Variants in ARID1B observed in about 807,000 individuals in gnomAD.
ARID1B encodes AT-rich interactive domain-containing protein 1B.
ARID1B carries 30 observed loss-of-function variants against 212.3 expected under a neutral mutation model. The observed-to-expected ratio is 0.14, with a 90% CI of 0.11 to 0.19. ARID1B has a LOEUF of 0.19. Among genes scored for constraint, ARID1B ranks in the 10% least tolerant of loss-of-function variants. ARID1B has a pLI of 1.00. For missense variants in ARID1B, 2,891 were observed against 3,204.0 expected, an observed-to-expected ratio of 0.90 and a Z score of 2.36; for synonymous variants, 1,402 against 1,301.7, an observed-to-expected ratio of 1.08 and a Z score of -1.66.
chr6:157,137,989 A>G (rs1039416707), intron 7 of ARID1B, among the ~76,000 whole-genome samples: 2 of 152,184 alleles, frequency 1.3e-5, no homozygotes, highest in Admixed American at 1.3e-4. Flanking sequence ...AAGTTCAACA[A>G]AGGCAAACTT....
intron 1 of ARID1B, among the ~76,000 whole-genome samples, chr6:156,789,794 T>C (rs1003955644): frequency 6.6e-6 from 1 of 152,216 alleles, no homozygotes; most frequent in African/African-American, 2.4e-5. Flanking sequence ...TTCTCTGTGC[T>C]GTGTGGTTTC....
chr6:156,884,652 C>T (rs950366576), intron 2 of ARID1B, among the ~76,000 whole-genome samples: 4 of 152,152 alleles, frequency 2.6e-5, no homozygotes, highest in Non-Finnish European at 5.9e-5. Flanking sequence ...AAGGAGGTGG[C>T]TGCCATGTTT....
rs761384944 is a variant in ARID1B, at chr6:157,206,148, T to C, written c.5395-19T>C. The C allele has an allele frequency of 1.3e-5, 21 of 1,599,306 alleles. No homozygotes were observed. The highest frequency in any genetic ancestry group is 1.6e-5 in the Non-Finnish European group (19 of 1,168,906). On this transcript the variant is annotated intron_variant, in intron 19 of 19. Transcript: ENST00000636930. The surrounding 1 kb of genome is among the most constrained non-coding windows in gnomAD (Gnocchi z 6.8). ...CATTGTACCTGTTCTTTCTTTCTTC[T>C]CCTCCTCCTCCTCTCCAGTTGTCTG...
chr6:156,785,895 G>C (rs971767858), intron 1 of ARID1B, among the ~76,000 whole-genome samples: 3 of 152,054 alleles, frequency 2.0e-5, no homozygotes, highest in African/African-American at 7.2e-5. Flanking sequence ...TAACTTTGGG[G>C]TAATCCTCAT....
chr6:157,128,183 A>G (rs1788271628), intron 6 of ARID1B, among the ~76,000 whole-genome samples: 1 of 152,150 alleles, frequency 6.6e-6, no homozygotes, highest in Admixed American at 6.6e-5. Context: ...ATTTTTTATC[A>G]ATTTGTTTAG....
Position 157,192,945 on chromosome 6 carries a change from G to A in ARID1B, c.4231+2735G>A, listed in dbSNP as rs563876506. 2.0e-5 allele frequency among the ~76,000 whole-genome samples: 3 copies of A among 152,192 alleles called. No homozygotes were observed. The South Asian group carries it at 6.2e-4, about 32-fold the overall frequency. On this transcript the variant is annotated intron_variant, in intron 15 of 19. Transcript: ENST00000636930. ...GGAAAACATACTCTTTGTCGCTGTTGCTGCTGCTGGTGGTGTTAACCTGTA... is the reference window on the plus strand; with the variant it reads ...GGAAAACATACTCTTTGTCGCTGTTACTGCTGCTGGTGGTGTTAACCTGTA...
chr6:156,802,262 A>G (rs1449357190), intron 1 of ARID1B, among the ~76,000 whole-genome samples: 1 of 152,202 alleles, frequency 6.6e-6, no homozygotes, highest in African/African-American at 2.4e-5. Context: ...GTTTGCAAAC[A>G]TTTTATTTCA....
In ARID1B at chr6:157,078,465, C is replaced by G. The variant is rs576510250; in HGVS notation, c.2248-6197C>G. Reference sequence around the variant, plus strand: ...TTGAGAGGTCTATTTGTTGTTCTTTCTAGTCTACGTAACTCCTGAGACTGT... The same window carrying G: ...TTGAGAGGTCTATTTGTTGTTCTTTGTAGTCTACGTAACTCCTGAGACTGT... On this transcript the variant is annotated intron_variant, in intron 4 of 19. Coordinates refer to ENST00000636930, the MANE Select transcript of ARID1B (RefSeq NM_001374828.1). 1.7e-4 allele frequency among the ~76,000 whole-genome samples: 26 copies of G among 152,274 alleles called. No homozygotes were observed. The South Asian group carries it at 5.0e-3, about 29-fold the overall frequency.
Position 157,065,600 on chromosome 6 carries a change from T to A in ARID1B, c.2248-19062T>A, listed in dbSNP as rs146615506. On this transcript the variant is annotated intron_variant, in intron 4 of 19. Coordinates refer to ENST00000636930, the MANE Select transcript of ARID1B (RefSeq NM_001374828.1). ...AATCATTAGAGAATTGGAACAATTG[T>A]GGTAGTGGGATCAGGGGTCAAACCA... Among the ~76,000 whole-genome samples, 304 of 152,306 alleles carry A rather than the reference T, an allele frequency of 2.0e-3. 3 individuals are homozygous for A. The highest frequency in any genetic ancestry group is 6.7e-3 in the African/African-American group (278 of 41,560).
chr6:156,894,877 C>G (rs557067714), intron 2 of ARID1B, among the ~76,000 whole-genome samples: 1 of 152,326 alleles, frequency 6.6e-6, no homozygotes, highest in Admixed American at 6.5e-5. Flanking sequence ...CTTAACGTTT[C>G]CATTGACTGT....
intron 7 of ARID1B, among the ~76,000 whole-genome samples, chr6:157,135,871 CT>C (rs1441452259): frequency 6.6e-6 from 1 of 152,090 alleles, no homozygotes; most frequent in Non-Finnish European, 1.5e-5. Context: ...GTTCATATCT[CT>C]GGAATGATTC....
At chr6:157,039,354 C>T (rs556021808) in intron 4 of ARID1B, among the ~76,000 whole-genome samples, 19 of 72,500 alleles carry the variant, frequency 2.6e-4, no homozygotes, top group Admixed American at 1.3e-3. Flanking sequence ...GACGGAGTCT[C>T]GCTCTGTCGC....
chr6:157,171,512 A>G (rs889034692), intron 9 of ARID1B, among the ~76,000 whole-genome samples: 20 of 152,254 alleles, frequency 1.3e-4, no homozygotes, highest in African/African-American at 4.8e-4. Context: ...AGAAGTCAAA[A>G]ATAAGCATTT....
chr6:156,948,052 G>T (rs1320732532), intron 4 of ARID1B, among the ~76,000 whole-genome samples: 2 of 152,146 alleles, frequency 1.3e-5, no homozygotes. Flanking sequence ...CCTGAGCATG[G>T]TGCCACCATG....
rs368163089 is a variant in ARID1B at position 157,201,166 on chromosome 6, G to A, written c.4941G>A (p.Ser1647=). 21 of 1,613,922 alleles carry A rather than the reference G, an allele frequency of 1.3e-5. No individual in the cohort carries two copies. The highest frequency in any genetic ancestry group is 5.5e-5 in the South Asian group (5 of 91,080). Residue 1647 remains serine (S), a synonymous_variant, in exon 18 of 20, where the codon TCG becomes TCA. Transcript: ENST00000636930. The surrounding 1 kb of genome is among the most constrained non-coding windows in gnomAD (Gnocchi z 5.2). ...SHVSQRQPYM[S]SSASMQPITR... is the part of the protein sequence containing the mutation. Reference sequence around the variant, plus strand: ...TCAGCCAGCGTCAGCCTTATATGTCGTCCTCAGCCTCCATGCAGCCCATCA... The same window carrying A: ...TCAGCCAGCGTCAGCCTTATATGTCATCCTCAGCCTCCATGCAGCCCATCA...
intron 1 of ARID1B, among the ~76,000 whole-genome samples, chr6:156,794,558 G>T (rs1343074544): frequency 6.7e-6 from 1 of 149,442 alleles, no homozygotes; most frequent in Non-Finnish European, 1.5e-5. Flanking sequence ...GAACCATGGA[G>T]CCTGGCACAT....
rs960896358 is a variant in ARID1B at position 157,200,832 on chromosome 6, G to A, written c.4607G>A (p.Gly1536Asp). ...MYNQYGGSYS[G>D]PDRRPIQGQY... ...AACCAGTATGGAGGCTCCTACTCGG[G>A]CCCGGACCGCAGGCCCATCCAGGGC... The change falls in exon 18 of 20, where the codon GGC becomes GAC. Residue 1536 changes from glycine to aspartate, a missense_variant. Physicochemically the swap from Gly to Asp is moderately conservative, Grantham distance 94. This residue lies in a region of ARID1B where 666 missense variants were observed against 873.5 expected (regional missense o/e 0.76). Coordinates refer to ENST00000636930, the MANE Select transcript of ARID1B (RefSeq NM_001374828.1). This position sits in a 1 kb window ranked among gnomAD's most constrained non-coding sequence, Gnocchi z 4.3. 4 of 1,613,970 alleles carry A rather than the reference G, an allele frequency of 2.5e-6. No homozygotes were observed. The African/African-American group carries it at 5.3e-5, about 22-fold the overall frequency.
chr6:156,987,032 T>C (rs1166460918), intron 4 of ARID1B, among the ~76,000 whole-genome samples: 1 of 151,724 alleles, frequency 6.6e-6, no homozygotes, highest in Admixed American at 6.6e-5. Context: ...TATAAAAAAT[T>C]AGTCGGGTGT....
At position 156,779,180 on chromosome 6, in the gene ARID1B, G is replaced by A. The variant is rs779622340; in HGVS notation, c.1500G>A (p.Pro500=). The A allele has an allele frequency of 7.5e-7, 1 of 1,332,570 alleles. No homozygotes were observed. The highest frequency in any genetic ancestry group is 9.7e-7 in the Non-Finnish European group (1 of 1,033,032). 82.5% of individuals were successfully genotyped at this position (1,332,570 alleles called of 1,614,324 possible). ...ACCAGCACCCGTCGGGGGCCACCCC[G>A]ACCCTCAATCAGCTGCTCACCTCGC... ...GQNQHPSGAT[P]TLNQLLTSPS... The change falls in exon 1 of 20, where the codon CCG becomes CCA. Residue 500 remains proline (P), a synonymous_variant. Coordinates refer to ENST00000636930, the MANE Select transcript of ARID1B (RefSeq NM_001374828.1).
Sources: allele counts gnomAD v4.1 joint callset (sites outside exome capture counted in the v4.1 genomes callset), GRCh38; gene constraint gnomAD v4.1.1; regional missense constraint gnomAD v4.1.1; non-coding constraint Gnocchi (gnomAD v3.1); transcripts MANE v1.5; gene names NCBI Gene and HGNC (gene_info 2026-07-23, HGNC 2026-07-21).